The following PTPRT variants were observed in gnomAD, a reference collection of about 807,000 sequenced individuals.
The protein encoded by PTPRT is receptor-type tyrosine-protein phosphatase T.
In PTPRT, 56 loss-of-function variants were observed where a neutral mutation model predicts 176.8. That is an observed-to-expected ratio of 0.32 (90% CI 0.26 to 0.40). PTPRT has a LOEUF of 0.40. Ranked by LOEUF, PTPRT falls within the 10% of genes least tolerant of loss-of-function variation. The pLI is 1.00. For synonymous variants in PTPRT, 783 were observed against 739.0 expected, an observed-to-expected ratio of 1.06 and a Z score of -0.96; for missense variants, 1,540 against 1,908.2, an observed-to-expected ratio of 0.81 and a Z score of 3.60.
rs567072827 is a variant in PTPRT, at chr20:42,775,958, C to T, written c.568+4260G>A. 1.9e-4 allele frequency among the ~76,000 whole-genome samples: 29 copies of T among 152,254 alleles called. No homozygotes were observed. The South Asian group carries it at 2.3e-3, about 12-fold the overall frequency. ...TAAGACTGGAGGCTGGGGAAAAGCACCTTTAGTCTAAAGGAGAGTTCAGAA... is the reference window on the plus strand; with the variant it reads ...TAAGACTGGAGGCTGGGGAAAAGCATCTTTAGTCTAAAGGAGAGTTCAGAA... On this transcript the variant is annotated intron_variant, in intron 4 of 30. Coordinates refer to ENST00000373187, the MANE Select transcript of PTPRT (RefSeq NM_007050.6).
At chr20:42,263,291 C>G (rs1043030424) in intron 13 of PTPRT, among the ~76,000 whole-genome samples, 5 of 150,904 alleles carry the variant, frequency 3.3e-5, no homozygotes, top group African/African-American at 7.3e-5. Flanking sequence ...ATGAACATGG[C>G]TCACTTTAGC....
Position 42,622,454 on chromosome 20 carries a change from A to T in PTPRT, c.1153+55412T>A, listed in dbSNP as rs145653394. Among the ~76,000 whole-genome samples the T allele has an allele frequency of 3.0e-3, 459 of 152,128 alleles. 3 individuals carry two copies. The highest frequency in any genetic ancestry group is 0.011 in the African/African-American group (440 of 41,500). On this transcript the variant is annotated intron_variant, in intron 7 of 30. Coordinates refer to ENST00000373187, the MANE Select transcript of PTPRT (RefSeq NM_007050.6). ...ACGGGGTTTCACCTTGTTAGCCAGG[A>T]TGGTCTCAATCTCCTGACCTCCTGT...
intron 6 of PTPRT, among the ~76,000 whole-genome samples, chr20:42,708,729 C>T (rs988172535): frequency 6.6e-6 from 1 of 152,196 alleles, no homozygotes; most frequent in Non-Finnish European, 1.5e-5. Context: ...ATAATAAAGA[C>T]ATTATGAATG....
intron 11 of PTPRT, among the ~76,000 whole-genome samples, chr20:42,320,640 A>G (rs552846406): frequency 1.3e-5 from 2 of 152,342 alleles, no homozygotes; most frequent in Admixed American, 1.3e-4. Context: ...TAGTCCCAGA[A>G]GAAACTAGTA....
At chr20:43,076,023 A>G (rs1414677266) in intron 1 of PTPRT, among the ~76,000 whole-genome samples, 1 of 152,214 alleles carries the variant, frequency 6.6e-6, no homozygotes, top group South Asian at 2.1e-4. Flanking sequence ...TTTTCTAAAC[A>G]TGCATGTCTG....
At chr20:42,253,568 C>G (rs2056584952) in intron 13 of PTPRT, among the ~76,000 whole-genome samples, 1 of 152,124 alleles carries the variant, frequency 6.6e-6, no homozygotes, top group Admixed American at 6.5e-5. Context: ...TTGGGTGCAT[C>G]TTCCTCATCT....
At chr20:42,277,382 G>T (rs1411486628) in intron 13 of PTPRT, among the ~76,000 whole-genome samples, 1 of 152,226 alleles carries the variant, frequency 6.6e-6, no homozygotes, top group African/African-American at 2.4e-5. Context: ...GCGGGAGTCT[G>T]CAGAGCCAGC....
At chr20:42,688,267 G>C (rs1045417629) in intron 6 of PTPRT, 1 of 152,198 alleles carries the variant, frequency 6.6e-6, no homozygotes, top group African/African-American at 2.4e-5. Flanking sequence ...GGTCTTTGTA[G>C]CACCCATGGC....
intron 13 of PTPRT, among the ~76,000 whole-genome samples, chr20:42,278,250 G>A (rs1257386094): frequency 1.3e-5 from 2 of 150,434 alleles, no homozygotes; most frequent in African/African-American, 4.9e-5. Flanking sequence ...TAAGGTTTAA[G>A]AGGCCATCTT....
chr20:42,363,200 A>G (rs1198358693), intron 9 of PTPRT, among the ~76,000 whole-genome samples: 1 of 143,060 alleles, frequency 7.0e-6, no homozygotes, highest in Non-Finnish European at 1.5e-5. Flanking sequence ...ATCTGTAATC[A>G]TGGACCCACA....
chr20:42,182,516 A>G (rs1990564218), intron 16 of PTPRT, among the ~76,000 whole-genome samples: 1 of 152,130 alleles, frequency 6.6e-6, no homozygotes, highest in African/African-American at 2.4e-5. Flanking sequence ...ACTGCAGAAG[A>G]GACAGAAGTG....
intron 7 of PTPRT, among the ~76,000 whole-genome samples, chr20:42,486,671 G>C (rs1362843043): frequency 1.3e-5 from 2 of 152,108 alleles, no homozygotes; most frequent in Non-Finnish European, 2.9e-5. Context: ...TCATACATCT[G>C]CTTGTATAAT....
At chr20:42,062,579 C>T in the PTPRT span, among the ~76,000 whole-genome samples, 1 of 152,238 alleles carries the variant, frequency 6.6e-6, no homozygotes, top group Non-Finnish European at 1.5e-5. Flanking sequence ...TAATCCCCCT[C>T]CTGTGGCCTC....
chr20:42,971,511 G>A (rs1285821447), intron 1 of PTPRT: 1 of 152,072 alleles, frequency 6.6e-6, no homozygotes, highest in African/African-American at 2.4e-5. Flanking sequence ...GCCTCATGTG[G>A]TCTGTCCCCC....
At chr20:43,010,696 G>C (rs890234390) in intron 1 of PTPRT, among the ~76,000 whole-genome samples, 45 of 146,762 alleles carry the variant, frequency 3.1e-4, no homozygotes, top group African/African-American at 1.1e-3. Context: ...CATCAGCTAC[G>C]AACACAGAGT....
intron 15 of PTPRT, among the ~76,000 whole-genome samples, chr20:42,235,342 A>C (rs1435162871): frequency 1.3e-5 from 2 of 151,894 alleles, no homozygotes; most frequent in African/African-American, 4.8e-5. Context: ...GGCTCACTAC[A>C]ACCTCCGCCC....
chr20:43,153,971 A>G (rs772856130), intron 1 of PTPRT, among the ~76,000 whole-genome samples: 7 of 152,178 alleles, frequency 4.6e-5, no homozygotes, highest in Non-Finnish European at 7.3e-5. Context: ...CAAAAAAAGA[A>G]CTGCTGCAAG....
At chr20:43,182,460 A>T (rs1460677415) in intron 1 of PTPRT, among the ~76,000 whole-genome samples, 1 of 151,556 alleles carries the variant, frequency 6.6e-6, no homozygotes, top group East Asian at 1.9e-4. Context: ...GCATGATCTC[A>T]GTTCCCTGCA....
intron 7 of PTPRT, among the ~76,000 whole-genome samples, chr20:42,564,700 A>G (rs1237591938): frequency 1.3e-5 from 2 of 152,198 alleles, no homozygotes; most frequent in Admixed American, 6.5e-5. Context: ...TGGCACATGT[A>G]TATCTATGTA....
Sources: gnomAD v4.1 joint callset for allele counts (sites outside exome capture counted in the v4.1 genomes callset) on GRCh38, gnomAD v4.1.1 for gene constraint, MANE v1.5 for transcripts, NCBI Gene and HGNC (gene_info 2026-07-23, HGNC 2026-07-21) for gene names.